PARD3: variants seen among roughly 807,000 people sequenced by gnomAD.
PARD3 encodes partitioning defective 3 homolog.
Under a neutral mutation model 155.4 loss-of-function variants are expected in PARD3, and 75 were observed. That is an observed-to-expected ratio of 0.48 (90% CI 0.40 to 0.58). The LOEUF is 0.58. Ranked by LOEUF, PARD3 falls within the 20% of genes least tolerant of loss-of-function variation. PARD3 has a pLI of 0.00. For missense variants in PARD3, 1,642 were observed against 1,721.7 expected (o/e 0.95, Z 0.82); for synonymous variants, 576 against 610.5 (o/e 0.94, Z 0.83).
At position 34,705,774 on chromosome 10, in the gene PARD3, AAGAC is replaced by A. The variant is rs2094354201; in HGVS notation, c.121-9359_121-9356del. On this transcript the variant is annotated intron_variant, in intron 1 of 24. Transcript: ENST00000374788. The stretch of plus-strand genomic sequence containing the variant: ...TGCCAAAACCTCAGCACCACAACAC[AAGAC>A]AGAGCAAACCACAAACCTGCTGCCT... 2.6e-5 allele frequency among the ~76,000 whole-genome samples: 4 copies of A among 152,278 alleles called. No homozygotes were observed. The South Asian group carries it at 8.3e-4, about 32-fold the overall frequency.
At chr10:34,447,498 A>C (rs1589609583) in intron 5 of PARD3, among the ~76,000 whole-genome samples, 2 of 131,252 alleles carry the variant, frequency 1.5e-5, no homozygotes. Context: ...AAAAAAAAAA[A>C]AAAAAAAAAA....
chr10:34,469,071 G>A (rs939844623), intron 4 of PARD3, among the ~76,000 whole-genome samples: 5 of 152,160 alleles, frequency 3.3e-5, no homozygotes, highest in African/African-American at 7.2e-5. Flanking sequence ...GGTGAGAAGC[G>A]TGACAAAAAG....
At chr10:34,627,647 A>G (rs990977729) in intron 2 of PARD3, among the ~76,000 whole-genome samples, 6 of 152,178 alleles carry the variant, frequency 3.9e-5, no homozygotes, top group Admixed American at 1.3e-4. Flanking sequence ...CGAAGCCAGG[A>G]ACAGGCATGG....
rs1170068798 is a variant in PARD3 at position 34,261,745 on chromosome 10, AAAGGAAGGAAGAAAGGAAGG to A, written c.3419+7892_3419+7911del. Among the ~76,000 whole-genome samples, 91 of 113,578 alleles carry A rather than the reference AAAGGAAGGAAGAAAGGAAGG, an allele frequency of 8.0e-4. 1 individual carries two copies. Among genetic ancestry groups the A allele is most frequent in the African/African-American group, 2.6e-3 (63 of 23,876 alleles). The allele number at this position is 113,578 out of a possible 152,430, so 74.5% of individuals were successfully genotyped here. A position where few individuals can be genotyped will look rare whatever the true frequency, so the allele number is the denominator to read the frequency against. Reference sequence around the variant, plus strand: ...GGAAGAAAGGAAGGAAGAAAGGAAGAAAGGAAGGAAGAAAGGAAGGAAGGAAGAAAGAAAGAAAAGAAAGA... The same window carrying A: ...GGAAGAAAGGAAGGAAGAAAGGAAGAAAGGAAGAAAGAAAGAAAAGAAAGA... On this transcript the variant is annotated intron_variant, in intron 22 of 24. Transcript: ENST00000374788.
intron 22 of PARD3, among the ~76,000 whole-genome samples, chr10:34,175,535 A>G (rs1423773570): frequency 6.6e-6 from 1 of 152,252 alleles, no homozygotes; most frequent in African/African-American, 2.4e-5. Context: ...CAAAAAGTAT[A>G]CTAAGCAATT....
intron 2 of PARD3, among the ~76,000 whole-genome samples, chr10:34,575,891 C>T (rs2086846524): frequency 6.6e-6 from 1 of 151,582 alleles, no homozygotes; most frequent in Non-Finnish European, 1.5e-5. Context: ...AGTGAAACTC[C>T]GTCTCAAAAA....
At chr10:34,339,619 T>C (rs549102169) in intron 16 of PARD3, among the ~76,000 whole-genome samples, 5 of 152,342 alleles carry the variant, frequency 3.3e-5, no homozygotes, top group African/African-American at 9.6e-5. Flanking sequence ...ATTATTAATG[T>C]TCTCTCAATT....
At chr10:34,454,026 A>G (rs2077199212) in intron 4 of PARD3, among the ~76,000 whole-genome samples, 1 of 152,382 alleles carries the variant, frequency 6.6e-6, no homozygotes, top group South Asian at 2.1e-4. Context: ...ATATTGACTT[A>G]TGTATAATGT....
intron 22 of PARD3, among the ~76,000 whole-genome samples, chr10:34,186,386 C>A (rs1249398428): frequency 1.3e-5 from 2 of 150,724 alleles, no homozygotes; most frequent in African/African-American, 4.9e-5. Context: ...AGAAACCCAG[C>A]CTGCCTCCAG....
At chr10:34,267,412 C>T (rs1955376317) in intron 22 of PARD3, among the ~76,000 whole-genome samples, 1 of 152,138 alleles carries the variant, frequency 6.6e-6, no homozygotes, top group East Asian at 1.9e-4. Context: ...AAACCATATG[C>T]CTCCTATGTT....
At chr10:34,508,213 C>A (rs2081200891) in intron 3 of PARD3, among the ~76,000 whole-genome samples, 1 of 152,050 alleles carries the variant, frequency 6.6e-6, no homozygotes, top group African/African-American at 2.4e-5. Context: ...TCATTTCAGA[C>A]AAATTTCCCA....
intron 7 of PARD3, among the ~76,000 whole-genome samples, chr10:34,386,981 T>C (rs1357788591): frequency 6.6e-6 from 1 of 152,150 alleles, no homozygotes; most frequent in Non-Finnish European, 1.5e-5. Flanking sequence ...AAACGATGTC[T>C]CAGTCACCCA....
Position 34,155,207 on chromosome 10 carries a change from G to T in PARD3, c.3420-23624C>A, listed in dbSNP as rs1487055603. Among the ~76,000 whole-genome samples, 3 of 152,132 alleles carry T rather than the reference G, an allele frequency of 2.0e-5. No individual in the cohort carries two copies. In the South Asian group the frequency reaches 6.2e-4, roughly 32 times the overall value. On this transcript the variant is annotated intron_variant, in intron 22 of 24. Coordinates refer to ENST00000374788, the MANE Select transcript of PARD3 (RefSeq NM_001184785.2). ...AAGGCAGGTTTAAGAAGTACCAAGT[G>T]GTTCCAGGGGTTTCTGGACTGGGGA... is the stretch of plus-strand genomic sequence containing the variant.
chr10:34,249,745 G>T (rs1032052449), intron 22 of PARD3, among the ~76,000 whole-genome samples: 2 of 152,048 alleles, frequency 1.3e-5, no homozygotes, highest in African/African-American at 4.8e-5. Context: ...AAGAAGAATG[G>T]CTCTTTTCTG....
chr10:34,457,777 T>A (rs2077414706), intron 4 of PARD3, among the ~76,000 whole-genome samples: 1 of 152,226 alleles, frequency 6.6e-6, no homozygotes, highest in East Asian at 1.9e-4. Flanking sequence ...ATTTTTTAAC[T>A]TTTTGGAGAG....
intron 2 of PARD3, among the ~76,000 whole-genome samples, chr10:34,574,106 C>A (rs1221959488): frequency 6.6e-6 from 1 of 151,442 alleles, no homozygotes; most frequent in African/African-American, 2.4e-5. Context: ...TTTCTTTTTT[C>A]TATTTACTTA....
intron 4 of PARD3, among the ~76,000 whole-genome samples, chr10:34,469,702 G>C (rs1250121485): frequency 6.6e-6 from 1 of 152,058 alleles, no homozygotes; most frequent in East Asian, 1.9e-4. Context: ...ATCCCTGTAA[G>C]AACATAGAAA....
intron 1 of PARD3, among the ~76,000 whole-genome samples, chr10:34,780,967 T>C (rs1040907096): frequency 6.6e-5 from 10 of 152,226 alleles, no homozygotes; most frequent in African/African-American, 1.2e-4. Context: ...TAAAAGCAAC[T>C]TGGGATTTCC....
At chr10:34,755,607 G>C (rs192799660) in intron 1 of PARD3, among the ~76,000 whole-genome samples, 235 of 152,200 alleles carry the variant, frequency 1.5e-3, no homozygotes, top group African/African-American at 4.8e-3. Flanking sequence ...ACTGCCCTCT[G>C]ATGTTGGCAT....
Sources: gnomAD v4.1 joint callset for allele counts (sites outside exome capture counted in the v4.1 genomes callset) on GRCh38, gnomAD v4.1.1 for gene constraint, MANE v1.5 for transcripts, NCBI Gene and HGNC (gene_info 2026-07-23, HGNC 2026-07-21) for gene names.